The following ZNF385D variants were observed in gnomAD, a reference collection of about 807,000 sequenced individuals.
ZNF385D encodes zinc finger protein 659.
Under a neutral mutation model 35.8 loss-of-function variants are expected in ZNF385D, and 15 were observed. The observed-to-expected ratio is 0.42, with a 90% CI of 0.28 to 0.64. ZNF385D has a LOEUF of 0.64. Among genes scored for constraint, ZNF385D ranks in the 30% least tolerant of loss-of-function variants. The probability of loss-of-function intolerance (pLI) is 0.23; values close to 1 mark genes in which losing one functional copy is unlikely to be tolerated. For missense variants in ZNF385D, 474 were observed against 494.6 expected (o/e 0.96, Z 0.39); for synonymous variants, 212 against 186.8 (o/e 1.13, Z -1.10).
chr3:21,626,181 A>G (rs2065128975), intron 2 of ZNF385D, among the ~76,000 whole-genome samples: 1 of 152,020 alleles, frequency 6.6e-6, no homozygotes, highest in South Asian at 2.1e-4. Context: ...ATTTATATCT[A>G]CTGGTCCAAG....
At chr3:21,639,314 ATGTT>A (rs2065534119) in intron 2 of ZNF385D, among the ~76,000 whole-genome samples, 1 of 152,054 alleles carries the variant, frequency 6.6e-6, no homozygotes, top group African/African-American at 2.4e-5. Context: ...GAAAGCAAGA[ATGTT>A]TGTGTTTTCT....
At chr3:21,617,393 C>T (rs2064878048) in intron 2 of ZNF385D, among the ~76,000 whole-genome samples, 1 of 152,126 alleles carries the variant, frequency 6.6e-6, no homozygotes, top group Non-Finnish European at 1.5e-5. Flanking sequence ...TTGAGGGAAT[C>T]ACAACTCTTA....
At chr3:21,701,016 C>T (rs910705431) in intron 1 of ZNF385D, among the ~76,000 whole-genome samples, 6 of 152,158 alleles carry the variant, frequency 3.9e-5, no homozygotes, top group African/African-American at 1.4e-4. Context: ...CTTTTGCACT[C>T]TTCTGCTGGC....
intron 3 of ZNF385D, among the ~76,000 whole-genome samples, chr3:21,778,873 G>T (rs2071390716): frequency 6.6e-6 from 1 of 151,798 alleles, no homozygotes; most frequent in African/African-American, 2.4e-5. Context: ...ATCACTGTCT[G>T]GCACATAGTC....
chr3:21,578,672 A>AT (rs1559425675), intron 2 of ZNF385D, among the ~76,000 whole-genome samples: 1 of 152,068 alleles, frequency 6.6e-6, no homozygotes, highest in East Asian at 1.9e-4. Flanking sequence ...TAAGTTCTCT[A>AT]TTCTGTTCCA....
At chr3:21,468,674 C>T (rs764630398) in intron 4 of ZNF385D, among the ~76,000 whole-genome samples, 18 of 152,006 alleles carry the variant, frequency 1.2e-4, no homozygotes, top group Non-Finnish European at 2.2e-4. Context: ...GCCTGTAATC[C>T]CAGCACTTTG....
intron 3 of ZNF385D, among the ~76,000 whole-genome samples, chr3:21,830,802 A>G (rs1694944779): frequency 6.6e-6 from 1 of 152,202 alleles, no homozygotes; most frequent in Non-Finnish European, 1.5e-5. Context: ...AACAGAAAAT[A>G]AGCATGTCCA....
At chr3:21,894,912 G>A (rs994716165) in intron 3 of ZNF385D, among the ~76,000 whole-genome samples, 1 of 142,574 alleles carries the variant, frequency 7.0e-6, no homozygotes, top group Non-Finnish European at 1.6e-5. Flanking sequence ...AGGAGCTCAT[G>A]GCAAAGAGAG....
intron 3 of ZNF385D, among the ~76,000 whole-genome samples, chr3:21,808,267 A>C (rs1005361059): frequency 4.6e-5 from 7 of 152,240 alleles, no homozygotes; most frequent in African/African-American, 1.7e-4. Flanking sequence ...ACTCAAACAT[A>C]TTTTAGGAAA....
At chr3:21,772,476 A>T (rs941940645) in intron 3 of ZNF385D, among the ~76,000 whole-genome samples, 4 of 151,984 alleles carry the variant, frequency 2.6e-5, no homozygotes, top group African/African-American at 9.7e-5. Flanking sequence ...AGCATATGAA[A>T]AGATGCTCAC....
chr3:21,972,063 C>T (rs1284417183), intron 3 of ZNF385D, among the ~76,000 whole-genome samples: 1 of 151,934 alleles, frequency 6.6e-6, no homozygotes, highest in South Asian at 2.1e-4. Flanking sequence ...GACAGAAAAT[C>T]AACAAAGAAA....
chr3:21,845,749 A>C (rs1006289250), intron 3 of ZNF385D, among the ~76,000 whole-genome samples: 1 of 151,994 alleles, frequency 6.6e-6, no homozygotes, highest in Non-Finnish European at 1.5e-5. Flanking sequence ...GATTACTAGA[A>C]ATGCGATTTT....
intron 3 of ZNF385D, among the ~76,000 whole-genome samples, chr3:21,980,903 T>A (rs1694400252): frequency 6.6e-6 from 1 of 152,186 alleles, no homozygotes; most frequent in Non-Finnish European, 1.5e-5. Context: ...ATCTAATTCT[T>A]TTTTTATGGT....
intron 3 of ZNF385D, among the ~76,000 whole-genome samples, chr3:21,834,935 G>C (rs978741109): frequency 5.9e-5 from 9 of 152,108 alleles, no homozygotes; most frequent in Non-Finnish European, 1.3e-4. Context: ...CAGTCATGTA[G>C]AATGGTGAGT....
intron 3 of ZNF385D, among the ~76,000 whole-genome samples, chr3:21,916,562 C>T (rs1370126467): frequency 2.0e-5 from 3 of 152,130 alleles, no homozygotes; most frequent in Non-Finnish European, 2.9e-5. Context: ...TGTATATAGT[C>T]GATTACATAT....
At chr3:21,631,134 T>C (rs13087501) in intron 2 of ZNF385D, among the ~76,000 whole-genome samples, 1 of 152,144 alleles carries the variant, frequency 6.6e-6, no homozygotes, top group Non-Finnish European at 1.5e-5. Flanking sequence ...GAGGTATACA[T>C]ACTCACATGA....
intron 3 of ZNF385D, among the ~76,000 whole-genome samples, chr3:21,800,674 T>C (rs1032904002): frequency 1.3e-5 from 2 of 152,178 alleles, no homozygotes; most frequent in African/African-American, 4.8e-5. Flanking sequence ...GTAAGTGGAA[T>C]TGCTTTTCTA....
intron 3 of ZNF385D, among the ~76,000 whole-genome samples, chr3:21,763,327 G>C (rs1349613485): frequency 1.3e-5 from 2 of 152,048 alleles, no homozygotes; most frequent in Non-Finnish European, 2.9e-5. Flanking sequence ...CTATAACAAA[G>C]GTAATAACTC....
intron 3 of ZNF385D, among the ~76,000 whole-genome samples, chr3:21,834,060 ATAGT>A (rs140466842): frequency 0.011 from 1,606 of 152,268 alleles, 19 homozygotes; most frequent in Non-Finnish European, 0.016. Flanking sequence ...GTGACCTTTG[ATAGT>A]TAAACAAAAA....
Sources: gnomAD v4.1 joint callset for allele counts (sites outside exome capture counted in the v4.1 genomes callset) on GRCh38, gnomAD v4.1.1 for gene constraint, MANE v1.5 for transcripts, NCBI Gene and HGNC (gene_info 2026-07-23, HGNC 2026-07-21) for gene names.